The following TRABD2B variants were observed in gnomAD, a reference collection of about 807,000 sequenced individuals.
The protein encoded by TRABD2B is metalloprotease TIKI2.
TRABD2B carries 14 observed loss-of-function variants against 40.1 expected under a neutral mutation model. That is an observed-to-expected ratio of 0.35 (90% confidence interval 0.23 to 0.55). The LOEUF is 0.55. Ranked by LOEUF, TRABD2B falls within the 20% of genes least tolerant of loss-of-function variation. TRABD2B has a pLI of 0.90. For synonymous variants in TRABD2B, 263 were observed against 277.0 expected (o/e 0.95, Z 0.50); for missense variants, 541 against 648.6 (o/e 0.83, Z 1.80).
chr1:47,888,246 G>T (rs1470058869), intron 2 of TRABD2B, among the ~76,000 whole-genome samples: 1 of 152,230 alleles, frequency 6.6e-6, no homozygotes, highest in Non-Finnish European at 1.5e-5. Flanking sequence ...GCAAAGCAGG[G>T]GCAAAGGAGT....
intron 2 of TRABD2B, among the ~76,000 whole-genome samples, chr1:47,886,846 C>T (rs1331724756): frequency 2.0e-5 from 3 of 152,142 alleles, no homozygotes; most frequent in African/African-American, 4.8e-5. Context: ...TGCCTTGGTC[C>T]GGGGCCATTT....
intron 2 of TRABD2B, among the ~76,000 whole-genome samples, chr1:47,920,904 A>C (rs1432781828): frequency 1.3e-5 from 2 of 152,226 alleles, no homozygotes; most frequent in Non-Finnish European, 2.9e-5. Flanking sequence ...TCTCAAGGTC[A>C]TACAGTCAGT....
chr1:47,869,014 G>T (rs147254541), intron 2 of TRABD2B, among the ~76,000 whole-genome samples: 71 of 152,124 alleles, frequency 4.7e-4, no homozygotes, highest in Admixed American at 2.2e-3. Context: ...GATGCCTCTG[G>T]GAAGATTCCC....
chr1:47,824,712 G>A (rs1645152702), intron 2 of TRABD2B, among the ~76,000 whole-genome samples: 1 of 152,210 alleles, frequency 6.6e-6, no homozygotes, highest in Non-Finnish European at 1.5e-5. Flanking sequence ...TATTGAGGGT[G>A]ACATTCGAGG....
chr1:47,791,854 C>A (rs74069673), intron 4 of TRABD2B, among the ~76,000 whole-genome samples: 10 of 152,304 alleles, frequency 6.6e-5, no homozygotes, highest in African/African-American at 1.9e-4. Context: ...CAATGCCCTG[C>A]ACACAAAAAC....
chr1:47,987,949 C>A (rs139839310), intron 2 of TRABD2B, among the ~76,000 whole-genome samples: 1 of 152,188 alleles, frequency 6.6e-6, no homozygotes, highest in Non-Finnish European at 1.5e-5. Context: ...TGGAGGGGCT[C>A]TCCCTCCATG....
At chr1:47,782,189 C>A (rs1644533460) in intron 4 of TRABD2B, among the ~76,000 whole-genome samples, 1 of 152,142 alleles carries the variant, frequency 6.6e-6, no homozygotes, top group Non-Finnish European at 1.5e-5. Flanking sequence ...TCCTTCTCTG[C>A]AACAATGTCT....
At chr1:47,900,260 TACTC>T (rs1206381932) in intron 2 of TRABD2B, among the ~76,000 whole-genome samples, 2 of 152,040 alleles carry the variant, frequency 1.3e-5, no homozygotes, top group Non-Finnish European at 2.9e-5. Flanking sequence ...CAGCCCACAA[TACTC>T]TCTCTCCCCG....
At chr1:47,938,246 C>G (rs1645139875) in intron 2 of TRABD2B, among the ~76,000 whole-genome samples, 1 of 152,118 alleles carries the variant, frequency 6.6e-6, no homozygotes, top group African/African-American at 2.4e-5. Flanking sequence ...GCTGCAGGCA[C>G]AGAGAGGCCA....
intron 2 of TRABD2B, among the ~76,000 whole-genome samples, chr1:47,900,429 C>T (rs760169291): frequency 3.3e-5 from 5 of 152,116 alleles, no homozygotes; most frequent in African/African-American, 1.2e-4. Flanking sequence ...ATCTTCACAC[C>T]GACTTTACCT....
At position 47,996,960 on chromosome 1, in the gene TRABD2B, C is replaced by T; in HGVS notation, c.-171G>A. 9.0e-7 allele frequency: 1 copy of T among 1,111,728 alleles called. No individual in the cohort carries two copies. The highest frequency in any genetic ancestry group is 1.1e-6 in the Non-Finnish European group (1 of 912,304). 68.9% of individuals were successfully genotyped at this position (1,111,728 alleles called of 1,614,324 possible). Reference sequence around the variant, plus strand: ...GTCCCTGTCGGACCTGGGGGTTTCTCTGGGGCCGGGCTCCGTCTGTTGGAA... The same window carrying T: ...GTCCCTGTCGGACCTGGGGGTTTCTTTGGGGCCGGGCTCCGTCTGTTGGAA... On this transcript the variant is annotated 5_prime_UTR_variant, in exon 1 of 7. Coordinates refer to ENST00000606738, the MANE Select transcript of TRABD2B (RefSeq NM_001194986.2). The surrounding 1 kb of genome is among the most constrained non-coding windows in gnomAD (Gnocchi z 4.6).
At chr1:47,982,093 C>G (rs1645849224) in intron 2 of TRABD2B, among the ~76,000 whole-genome samples, 1 of 152,210 alleles carries the variant, frequency 6.6e-6, no homozygotes, top group Non-Finnish European at 1.5e-5. Flanking sequence ...ACATTACACA[C>G]TGCAGATGGT....
At chr1:47,920,688 C>T (rs1644889879) in intron 2 of TRABD2B, among the ~76,000 whole-genome samples, 1 of 152,216 alleles carries the variant, frequency 6.6e-6, no homozygotes, top group African/African-American at 2.4e-5. Context: ...AGTGCCTGTC[C>T]CCTATCCTGA....
At chr1:47,904,739 CCTCT>C (rs1644652913) in intron 2 of TRABD2B, among the ~76,000 whole-genome samples, 1 of 152,190 alleles carries the variant, frequency 6.6e-6, no homozygotes, top group East Asian at 1.9e-4. Context: ...CAGCCCAATT[CCTCT>C]CTATCACACT....
At chr1:47,968,145 C>T (rs1218298640) in intron 2 of TRABD2B, among the ~76,000 whole-genome samples, 2 of 152,252 alleles carry the variant, frequency 1.3e-5, no homozygotes, top group Non-Finnish European at 2.9e-5. Context: ...ACATTACCTG[C>T]TTTCACAGAG....
chr1:47,869,434 G>C (rs181446627), intron 2 of TRABD2B, among the ~76,000 whole-genome samples: 1 of 152,178 alleles, frequency 6.6e-6, no homozygotes, highest in Non-Finnish European at 1.5e-5. Context: ...TGTGATCACC[G>C]ATTTAAGCAA....
intron 2 of TRABD2B, among the ~76,000 whole-genome samples, chr1:47,923,244 C>A (rs1210796421): frequency 6.6e-6 from 1 of 152,246 alleles, no homozygotes; most frequent in East Asian, 1.9e-4. Flanking sequence ...GCTCTGTACT[C>A]CTCCTTCTCT....
chr1:47,877,783 G>A (rs1029771887), intron 2 of TRABD2B, among the ~76,000 whole-genome samples: 3 of 152,154 alleles, frequency 2.0e-5, no homozygotes, highest in African/African-American at 7.2e-5. Context: ...GACTGCCTGA[G>A]GTTAGGAGTT....
At chr1:47,925,536 T>G (rs1473738881) in intron 2 of TRABD2B, among the ~76,000 whole-genome samples, 1 of 152,230 alleles carries the variant, frequency 6.6e-6, no homozygotes, top group African/African-American at 2.4e-5. Flanking sequence ...TTTATATACT[T>G]TCTTTCATTT....
Sources: gnomAD v4.1 joint callset for allele counts (sites outside exome capture counted in the v4.1 genomes callset) on GRCh38, gnomAD v4.1.1 for gene constraint, Gnocchi (gnomAD v3.1) non-coding constraint, MANE v1.5 for transcripts, NCBI Gene and HGNC (gene_info 2026-07-23, HGNC 2026-07-21) for gene names.